Variants in PRKD1 observed in about 807,000 individuals in gnomAD.
The protein encoded by PRKD1 is protein kinase D1, also known as serine/threonine-protein kinase D1.
A neutral mutation model predicts 95.9 loss-of-function variants in PRKD1; 63 were observed. The ratio of observed to expected loss-of-function variants is 0.66; its 90% CI spans 0.54 to 0.81. The LOEUF (loss-of-function observed/expected upper bound fraction) is 0.81. Ranked by LOEUF, PRKD1 falls within the 30% of genes least tolerant of loss-of-function variation. The pLI is 0.00. For missense variants in PRKD1, 1,048 were observed against 1,165.3 expected, an observed-to-expected ratio of 0.90 and a Z score of 1.47; for synonymous variants, 425 against 423.1, an observed-to-expected ratio of 1.00 and a Z score of -0.05.
rs1486425877 is a variant in PRKD1, at chr14:29,626,519, A to C, written c.1763T>G (p.Val588Gly). The C allele has an allele frequency of 2.5e-6, 4 of 1,612,834 alleles. No individual in the cohort carries two copies. Among genetic ancestry groups the C allele is most frequent in the Non-Finnish European group, 3.4e-6 (4 of 1,179,408 alleles). Residue 588 changes from valine to glycine, a missense_variant, in exon 12 of 18, where the codon GTA becomes GGA. Val to Gly is a moderately radical substitution (Grantham distance 109). Around this residue, in one of 3 missense-constraint regions of PRKD1, gnomAD observed 739 missense variants for 861.9 expected, o/e 0.86. Transcript: ENST00000331968. ...AATTCCAAACTGTCCAGAACCCAGT[A>C]CTTCATCAGGAAAAATCTGATATAC... ...STVYQIFPDE[V>G]LGSGQFGIVY...
chr14:29,696,135 G>T lies in PRKD1; in HGVS notation c.403+29401C>A, dbSNP rs181184135. Among the ~76,000 whole-genome samples the T allele has an allele frequency of 2.2e-4, 33 of 152,090 alleles. No individual in the cohort carries two copies. The East Asian group carries it at 6.0e-3, about 28-fold the overall frequency. On this transcript the variant is annotated intron_variant, in intron 2 of 17. Transcript: ENST00000331968. The stretch of plus-strand genomic sequence containing the variant: ...GCAAATCGCATGTTAGAGTGACTCG[G>T]GATAGTCTAGTAAGTTAAAAAACAA...
intron 13 of PRKD1, among the ~76,000 whole-genome samples, chr14:29,618,270 T>G (rs1431290405): frequency 6.6e-6 from 1 of 151,756 alleles, no homozygotes; most frequent in Non-Finnish European, 1.5e-5. Context: ...TTTTTTTTTT[T>G]TGAGATGAGT....
intron 1 of PRKD1, among the ~76,000 whole-genome samples, chr14:29,909,125 G>C (rs1183521978): frequency 6.6e-6 from 1 of 152,172 alleles, no homozygotes; most frequent in African/African-American, 2.4e-5. Flanking sequence ...AGGCAGTGAG[G>C]GGCTTAGCAC....
chr14:29,744,867 G>C (rs1303130710), intron 1 of PRKD1, among the ~76,000 whole-genome samples: 1 of 152,092 alleles, frequency 6.6e-6, no homozygotes, highest in Non-Finnish European at 1.5e-5. Flanking sequence ...TTCTAAACAT[G>C]TGTCAGATCA....
chr14:29,772,755 C>G (rs1888566185), intron 1 of PRKD1, among the ~76,000 whole-genome samples: 1 of 152,178 alleles, frequency 6.6e-6, no homozygotes, highest in Admixed American at 6.5e-5. Context: ...AATTAAATAT[C>G]TCAGGAATCT....
At chr14:29,774,081 T>A (rs1888629539) in intron 1 of PRKD1, among the ~76,000 whole-genome samples, 1 of 152,184 alleles carries the variant, frequency 6.6e-6, no homozygotes. Flanking sequence ...AAATGGATAC[T>A]TGAAAATACT....
intron 1 of PRKD1, among the ~76,000 whole-genome samples, chr14:29,848,198 A>C (rs955309052): frequency 1.3e-5 from 2 of 152,118 alleles, no homozygotes; most frequent in Non-Finnish European, 2.9e-5. Context: ...CAAAAAGGAC[A>C]CTGTCTTAAA....
chr14:29,609,537 C>T (rs971275967), intron 13 of PRKD1, among the ~76,000 whole-genome samples: 1 of 142,770 alleles, frequency 7.0e-6, no homozygotes, highest in Non-Finnish European at 1.5e-5. Flanking sequence ...CACACACACA[C>T]ATATATATAT....
intron 2 of PRKD1, among the ~76,000 whole-genome samples, chr14:29,711,613 A>C (rs1475680872): frequency 6.6e-6 from 1 of 152,138 alleles, no homozygotes; most frequent in Non-Finnish European, 1.5e-5. Context: ...CAATTATGAA[A>C]TCTTAAATCG....
At chr14:29,630,631 C>T in intron 10 of PRKD1, 111 bp downstream of exon 10, 2 of 1,383,922 alleles carry the variant, frequency 1.4e-6, no homozygotes, top group Non-Finnish European at 2.0e-6. Context: ...CTAAGTCATC[C>T]CCAAGAAGTC....
chr14:29,697,962 T>C (rs916763427), intron 2 of PRKD1, among the ~76,000 whole-genome samples: 1 of 152,164 alleles, frequency 6.6e-6, no homozygotes, highest in African/African-American at 2.4e-5. Flanking sequence ...CTAAAGTAAC[T>C]TGAGGTCAAA....
At chr14:29,710,531 T>C (rs1401800628) in intron 2 of PRKD1, among the ~76,000 whole-genome samples, 1 of 152,028 alleles carries the variant, frequency 6.6e-6, no homozygotes, top group East Asian at 1.9e-4. Context: ...GTTAAGTCCA[T>C]GAAAAACGAG....
intron 1 of PRKD1, among the ~76,000 whole-genome samples, chr14:29,916,562 G>T (rs1258172425): frequency 6.6e-6 from 1 of 152,146 alleles, no homozygotes; most frequent in Non-Finnish European, 1.5e-5. Context: ...TGGTCAAGTG[G>T]TCATAACCTC....
intron 1 of PRKD1, among the ~76,000 whole-genome samples, chr14:29,866,164 C>A (rs1024421157): frequency 2.6e-5 from 4 of 151,536 alleles, no homozygotes; most frequent in Non-Finnish European, 1.5e-5. Context: ...AATTTAGAAG[C>A]TATATTGCTG....
chr14:29,602,474 A>C (rs758341586), intron 13 of PRKD1, among the ~76,000 whole-genome samples: 2 of 136,120 alleles, frequency 1.5e-5, no homozygotes, highest in Non-Finnish European at 3.1e-5. Context: ...CTTATTGCCC[A>C]GGTTGGAGTG....
intron 2 of PRKD1, among the ~76,000 whole-genome samples, chr14:29,683,404 T>C (rs996693301): frequency 6.6e-6 from 1 of 152,124 alleles, no homozygotes; most frequent in African/African-American, 2.4e-5. Flanking sequence ...GTTCTAGATA[T>C]GTTCAGCTCA....
chr14:29,838,844 T>C (rs577118688), intron 1 of PRKD1, among the ~76,000 whole-genome samples: 3 of 152,182 alleles, frequency 2.0e-5, no homozygotes, highest in African/African-American at 7.2e-5. Flanking sequence ...CTAAGAGGAC[T>C]AAGTAATGGG....
At chr14:29,740,576 T>C (rs1033747613) in intron 1 of PRKD1, among the ~76,000 whole-genome samples, 5 of 152,178 alleles carry the variant, frequency 3.3e-5, no homozygotes, top group African/African-American at 1.2e-4. Flanking sequence ...TGGCCAAATG[T>C]CCAGCAAACA....
At position 29,599,103 on chromosome 14, in the gene PRKD1, A is replaced by T; in HGVS notation, c.2090T>A (p.Leu697His). 1 of 1,613,658 alleles carries T rather than the reference A, an allele frequency of 6.2e-7. No individual in the cohort carries two copies. The change falls in exon 15 of 18, where the codon CTT becomes CAT. Residue 697 changes from leucine (L) to histidine (H), a missense_variant. Leu to His is a moderately conservative substitution (Grantham distance 99, BLOSUM62 -3). Around this residue, in one of 3 missense-constraint regions of PRKD1, gnomAD observed 739 missense variants for 861.9 expected, o/e 0.86. Transcript: ENST00000331968. ...ITQILVALRH[L>H]HFKNIVHCDL... Reference sequence around the variant, plus strand: ...ACAGTGAACGATATTTTTAAAATGAAGGTGCCGCAAAGCCACGAGTATCTG... The same window carrying T: ...ACAGTGAACGATATTTTTAAAATGATGGTGCCGCAAAGCCACGAGTATCTG...
Sources: gnomAD v4.1 joint callset for allele counts (sites outside exome capture counted in the v4.1 genomes callset) on GRCh38, gnomAD v4.1.1 for gene constraint, gnomAD v4.1.1 regional missense constraint, MANE v1.5 for transcripts, NCBI Gene and HGNC (gene_info 2026-07-23, HGNC 2026-07-21) for gene names.